Variants in AGBL1 observed in about 807,000 individuals in gnomAD.
AGBL1 encodes the protein AGBL carboxypeptidase 1.
In AGBL1, 130 loss-of-function variants were observed where a neutral mutation model predicts 118.9. The observed-to-expected ratio is 1.09, with a 90% CI of 0.95 to 1.26. The LOEUF is 1.26. Ranked by LOEUF, AGBL1 falls within the 50% of genes most tolerant of loss-of-function variation. The probability of loss-of-function intolerance (pLI) is 0.00; values close to 1 mark genes in which losing one functional copy is unlikely to be tolerated. For synonymous variants in AGBL1, 555 were observed against 478.9 expected, an observed-to-expected ratio of 1.16 and a Z score of -2.08; for missense variants, 1,584 against 1,298.1, an observed-to-expected ratio of 1.22 and a Z score of -3.38.
At chr15:86,741,162 AG>A (rs2077672183) in intron 22 of AGBL1, among the ~76,000 whole-genome samples, 1 of 152,064 alleles carries the variant, frequency 6.6e-6, no homozygotes, top group East Asian at 1.9e-4. Context: ...GTGGTTTGTC[AG>A]CTATGCCCAA....
At chr15:86,333,837 T>A (rs1259772179) in intron 17 of AGBL1, among the ~76,000 whole-genome samples, 1 of 152,218 alleles carries the variant, frequency 6.6e-6, no homozygotes, top group Non-Finnish European at 1.5e-5. Context: ...TAATTCTCCA[T>A]GATCAAGTAG....
intron 1 of AGBL1, among the ~76,000 whole-genome samples, chr15:86,082,587 A>G (rs562784241): frequency 6.6e-6 from 1 of 152,362 alleles, no homozygotes; most frequent in South Asian, 2.1e-4. Flanking sequence ...CTACTTAAGC[A>G]TATCACCATT....
At chr15:86,151,515 G>A (rs1480472610) in intron 3 of AGBL1, among the ~76,000 whole-genome samples, 1 of 152,052 alleles carries the variant, frequency 6.6e-6, no homozygotes, top group Non-Finnish European at 1.5e-5. Context: ...AGGTATTGAT[G>A]GAACATATCT....
Position 86,554,429 on chromosome 15 carries a change from G to C in AGBL1, c.2886G>C (p.Glu962Asp). ...TGAGCAGCTGCAGCTTTCTCGTGGAGAAATCTCGAGCTTCCACGGCCCGGG... is the reference window on the plus strand; with the variant it reads ...TGAGCAGCTGCAGCTTTCTCGTGGACAAATCTCGAGCTTCCACGGCCCGGG... The part of the protein sequence containing the change: ...FTMSSCSFLV[E>D]KSRASTARVV... The change falls in exon 21 of 23, where the codon GAG (glutamate) becomes GAC (aspartate). Residue 962 changes from glutamate (E) to aspartate (D), a missense_variant. Transcript: ENST00000614907. The C allele has an allele frequency of 6.3e-7, 1 of 1,587,912 alleles. No homozygotes were observed. Among genetic ancestry groups the C allele is most frequent in the Non-Finnish European group, 8.6e-7 (1 of 1,166,926 alleles).
chr15:86,605,754 A>AGTCT (rs1555430068), intron 21 of AGBL1, among the ~76,000 whole-genome samples: 4 of 150,830 alleles, frequency 2.7e-5, no homozygotes, highest in African/African-American at 9.8e-5. Context: ...GCTGTATGTG[A>AGTCT]GTGTGTGTGT....
intron 22 of AGBL1, among the ~76,000 whole-genome samples, chr15:86,701,217 A>G (rs1195422028): frequency 6.6e-6 from 1 of 152,090 alleles, no homozygotes; most frequent in Non-Finnish European, 1.5e-5. Context: ...AAGGAAATGG[A>G]GTAATTATCA....
At chr15:86,992,448 G>C (rs1053146551) in intron 24 of AGBL1, among the ~76,000 whole-genome samples, 4 of 152,134 alleles carry the variant, frequency 2.6e-5, no homozygotes, top group Non-Finnish European at 5.9e-5. Flanking sequence ...TTCATCTCTA[G>C]TAAGCCACAT....
At chr15:86,727,370 T>C (rs763412498) in intron 22 of AGBL1, among the ~76,000 whole-genome samples, 7 of 152,146 alleles carry the variant, frequency 4.6e-5, no homozygotes, top group Non-Finnish European at 7.3e-5. Flanking sequence ...TGGCAACGAC[T>C]ATTTTGCTCT....
At chr15:87,003,870 G>A (rs1363735170) in intron 24 of AGBL1, among the ~76,000 whole-genome samples, 1 of 150,654 alleles carries the variant, frequency 6.6e-6, no homozygotes, top group Non-Finnish European at 1.5e-5. Context: ...TTCTCTATTA[G>A]TCTTGCTAGT....
At chr15:86,433,963 C>G (rs1164531578) in intron 18 of AGBL1, among the ~76,000 whole-genome samples, 1 of 152,186 alleles carries the variant, frequency 6.6e-6, no homozygotes, top group African/African-American at 2.4e-5. Context: ...ATGTTCCTGA[C>G]TATATTCTAC....
chr15:86,924,727 G>A (rs890644266), intron 23 of AGBL1, among the ~76,000 whole-genome samples: 14 of 151,984 alleles, frequency 9.2e-5, no homozygotes, highest in Non-Finnish European at 1.5e-4. Flanking sequence ...CCATGTGCAC[G>A]ATAAGAATCA....
Position 86,613,778 on chromosome 15 carries a change from A to G in AGBL1, c.2994+59241A>G, listed in dbSNP as rs1183938914. ...TCACCAGGGAGCTTGTTAGAAATGC[A>G]GAATTTCAGACCCCATCCCAGACCT... On this transcript the variant is annotated intron_variant, in intron 21 of 22. Transcript: ENST00000614907. The surrounding 1 kb of genome is among the most constrained non-coding windows in gnomAD (Gnocchi z 4.2). 6.6e-6 allele frequency among the ~76,000 whole-genome samples: 1 copy of G among 152,196 alleles called. No homozygotes were observed. Among genetic ancestry groups the G allele is most frequent in the Non-Finnish European group, 1.5e-5 (1 of 68,030 alleles).
At chr15:86,331,108 C>T (rs560415535) in intron 17 of AGBL1, among the ~76,000 whole-genome samples, 12 of 151,470 alleles carry the variant, frequency 7.9e-5, no homozygotes, top group African/African-American at 2.9e-4. Flanking sequence ...CCTGTAATCC[C>T]AGCTACTCAG....
chr15:86,080,679 G>C (rs1895207731), intron 1 of AGBL1, among the ~76,000 whole-genome samples: 1 of 152,074 alleles, frequency 6.6e-6, no homozygotes, highest in Non-Finnish European at 1.5e-5. Flanking sequence ...ACCTGGAGAG[G>C]GTCAAAAAAT....
chr15:86,898,528 C>T (rs934859380), intron 22 of AGBL1, among the ~76,000 whole-genome samples: 4 of 151,892 alleles, frequency 2.6e-5, no homozygotes, highest in South Asian at 4.1e-4. Flanking sequence ...TTAGATGAAA[C>T]AAAATAAAAA....
chr15:86,081,169 A>G (rs1020891098), intron 1 of AGBL1, among the ~76,000 whole-genome samples: 8 of 152,070 alleles, frequency 5.3e-5, no homozygotes, highest in African/African-American at 1.9e-4. Context: ...TCTGCCTCCC[A>G]AGTAGGTGGG....
At chr15:86,976,443 T>A (rs2081177438) in intron 23 of AGBL1, among the ~76,000 whole-genome samples, 2 of 151,980 alleles carry the variant, frequency 1.3e-5, no homozygotes, top group Admixed American at 1.3e-4. Context: ...TACCCCAGTT[T>A]ATTTAACTAA....
chr15:86,235,913 A>C (rs1466250978), intron 6 of AGBL1, among the ~76,000 whole-genome samples: 1 of 152,164 alleles, frequency 6.6e-6, no homozygotes, highest in African/African-American at 2.4e-5. Context: ...GGCCCCACAC[A>C]ATGAGTAATA....
intron 15 of AGBL1, among the ~76,000 whole-genome samples, chr15:86,278,973 A>C (rs571370665): frequency 6.6e-6 from 1 of 152,338 alleles, no homozygotes; most frequent in South Asian, 2.1e-4. Flanking sequence ...TTGGGAAGAA[A>C]GTATTGTACA....
Sources: allele counts gnomAD v4.1 joint callset (sites outside exome capture counted in the v4.1 genomes callset), GRCh38; gene constraint gnomAD v4.1.1; non-coding constraint Gnocchi (gnomAD v3.1); transcripts MANE v1.5; gene names NCBI Gene and HGNC (gene_info 2026-07-23, HGNC 2026-07-21).